The following ARHGAP24 variants were observed in gnomAD, a reference collection of about 807,000 sequenced individuals.
ARHGAP24 encodes the protein Rho GTPase activating protein 24, also known as rho GTPase-activating protein 24.
In ARHGAP24, 50 loss-of-function variants were observed where a neutral mutation model predicts 76.4. The ratio of observed to expected loss-of-function variants is 0.65; its 90% confidence interval spans 0.52 to 0.83. ARHGAP24 has a LOEUF of 0.83. ARHGAP24 is among the 40% of genes least tolerant of loss of function. The pLI, the probability that ARHGAP24 is intolerant of heterozygous loss-of-function variation, is 0.00. For synonymous variants in ARHGAP24, 345 were observed against 323.3 expected (o/e 1.07, Z -0.72); for missense variants, 930 against 914.2 (o/e 1.02, Z -0.22).
At chr4:85,821,423 G>T (rs1057264708) in intron 3 of ARHGAP24, among the ~76,000 whole-genome samples, 3 of 152,070 alleles carry the variant, frequency 2.0e-5, no homozygotes, top group Non-Finnish European at 4.4e-5. Context: ...TCCCAGGCTG[G>T]GGTGCAGTGG....
intron 3 of ARHGAP24, among the ~76,000 whole-genome samples, chr4:85,917,204 T>C (rs1305255658): frequency 6.6e-6 from 1 of 152,084 alleles, no homozygotes; most frequent in Non-Finnish European, 1.5e-5. Flanking sequence ...AGAATGATGA[T>C]TTCCAATTTC....
chr4:85,616,187 T>C (rs1248474931), intron 2 of ARHGAP24, among the ~76,000 whole-genome samples: 1 of 152,218 alleles, frequency 6.6e-6, no homozygotes, highest in Non-Finnish European at 1.5e-5. Flanking sequence ...GGCATGAAAC[T>C]ATATTAATCC....
chr4:85,965,026 A>G (rs528840307), intron 5 of ARHGAP24, among the ~76,000 whole-genome samples: 5 of 152,230 alleles, frequency 3.3e-5, no homozygotes, highest in African/African-American at 1.2e-4. Context: ...TAGAGGGAGG[A>G]AAGAAAAGAT....
rs1434955730 is a variant in ARHGAP24 at position 85,826,367 on chromosome 4, T to C, written c.269-97281T>C. Among the ~76,000 whole-genome samples, 3 of 152,144 alleles carry C rather than the reference T, an allele frequency of 2.0e-5. No individual in the cohort carries two copies. The East Asian group carries it at 5.8e-4, about 29-fold the overall frequency. On this transcript the variant is annotated intron_variant, in intron 3 of 9. Transcript: ENST00000395184. ...TGTAACCAACCATGCACGTGAGCAT[T>C]TTCTCCCAGAATTTTGACTAGTCTT...
intron 8 of ARHGAP24, among the ~76,000 whole-genome samples, chr4:85,982,554 C>T (rs935230112): frequency 1.3e-5 from 2 of 152,144 alleles, no homozygotes; most frequent in Non-Finnish European, 2.9e-5. Flanking sequence ...AGCAACCAAA[C>T]TTTCAGGAGA....
At chr4:85,778,923 C>T in intron 3 of ARHGAP24, 1 of 985,400 alleles carries the variant, frequency 1.0e-6, no homozygotes, top group Non-Finnish European at 1.2e-6. Context: ...CAAGAGTCGG[C>T]ACTGGGAACA....
chr4:85,873,475 G>T (rs945227485), intron 3 of ARHGAP24, among the ~76,000 whole-genome samples: 5 of 152,018 alleles, frequency 3.3e-5, no homozygotes, highest in Non-Finnish European at 7.4e-5. Context: ...CAGGGCTTTC[G>T]TGCAGTGCAG....
chr4:85,874,838 A>G (rs1164951419), intron 3 of ARHGAP24, among the ~76,000 whole-genome samples: 2 of 12,880 alleles, frequency 1.6e-4, no homozygotes, highest in Non-Finnish European at 3.1e-4. Context: ...TATAAAATAT[A>G]TTTTTATATA....
At chr4:85,724,621 C>T (rs1449164183) in intron 3 of ARHGAP24, among the ~76,000 whole-genome samples, 1 of 151,016 alleles carries the variant, frequency 6.6e-6, no homozygotes, top group African/African-American at 2.4e-5. Context: ...CAAGAATTTT[C>T]AATAAAATTG....
chr4:85,849,911 T>A (rs970433928), intron 3 of ARHGAP24, among the ~76,000 whole-genome samples: 3 of 152,304 alleles, frequency 2.0e-5, no homozygotes, highest in African/African-American at 7.2e-5. Flanking sequence ...AAAATACTCT[T>A]TTTTTCTTGT....
At chr4:85,675,161 A>G (rs1309175719) in intron 2 of ARHGAP24, among the ~76,000 whole-genome samples, 1 of 152,234 alleles carries the variant, frequency 6.6e-6, no homozygotes, top group Non-Finnish European at 1.5e-5. Context: ...GGCTGCATGT[A>G]GCAGAAAGAG....
chr4:85,778,970 T>A (rs1375985649), intron 3 of ARHGAP24: 1 of 985,352 alleles, frequency 1.0e-6, no homozygotes, highest in African/African-American at 1.7e-5. Context: ...TATAAGGTAC[T>A]GTTTTTACTC....
Position 85,506,871 on chromosome 4 carries a change from A to G in ARHGAP24, c.-21+31312A>G, listed in dbSNP as rs547543726. On this transcript the variant is annotated intron_variant, in intron 1 of 9. Transcript: ENST00000395184. ...AGACTGGAGCTGTTCCTATTCGGCT[A>G]TCTTGGAATGGGATCTAAGCCTTTT... Among the ~76,000 whole-genome samples, 9 of 136,534 alleles carry G rather than the reference A, an allele frequency of 6.6e-5. 1 individual carries two copies. In the Admixed American group the frequency reaches 7.2e-4, roughly 11 times the overall value. The allele number at this position is 136,534 out of a possible 152,430, so 89.6% of individuals were successfully genotyped here.
At chr4:85,620,333 A>AT (rs1365960696) in intron 2 of ARHGAP24, among the ~76,000 whole-genome samples, 1 of 151,858 alleles carries the variant, frequency 6.6e-6, no homozygotes, top group Admixed American at 6.6e-5. Flanking sequence ...CTCTTTACTC[A>AT]TTATTGATCT....
rs925700546 is a variant in ARHGAP24 at position 85,941,497 on chromosome 4, G to A, written c.392-569G>A. 4.6e-5 allele frequency among the ~76,000 whole-genome samples: 7 copies of A among 152,228 alleles called. No homozygotes were observed. In the East Asian group the frequency reaches 1.3e-3, roughly 29 times the overall value. ...TTTTTCACTTTCAAATAAGTTAATA[G>A]TTTAAGACAAGCAAACATTGTCTGA... On this transcript the variant is annotated intron_variant, in intron 4 of 9. Coordinates refer to ENST00000395184, the MANE Select transcript of ARHGAP24 (RefSeq NM_001025616.3).
At chr4:85,818,408 A>G (rs376360697) in intron 3 of ARHGAP24, among the ~76,000 whole-genome samples, 1 of 152,368 alleles carries the variant, frequency 6.6e-6, no homozygotes, top group South Asian at 2.1e-4. Context: ...AACATTAAAA[A>G]TAATTATACC....
In ARHGAP24 at chr4:85,929,674, T is replaced by C. The variant is rs565429710; in HGVS notation, c.391+5904T>C. Among the ~76,000 whole-genome samples the C allele has an allele frequency of 4.0e-4, 61 of 152,320 alleles. 1 individual carries two copies. In the South Asian group the frequency reaches 0.012, roughly 29 times the overall value. ...CACATACAAATATGTGTTGATGTGT[T>C]TGCAGCTTTACCCACAGACTCTTTG... On this transcript the variant is annotated intron_variant, in intron 4 of 9. Transcript: ENST00000395184.
At chr4:85,976,627 G>A (rs1332686289) in intron 7 of ARHGAP24, among the ~76,000 whole-genome samples, 4 of 152,132 alleles carry the variant, frequency 2.6e-5, no homozygotes, top group Non-Finnish European at 5.9e-5. Flanking sequence ...AGAGGAGGTA[G>A]GGAATGAAGG....
At chr4:85,723,159 T>A (rs962653633) in intron 3 of ARHGAP24, 10 of 152,324 alleles carry the variant, frequency 6.6e-5, no homozygotes, top group African/African-American at 2.4e-4. Context: ...TGTTACAAAG[T>A]CTTTGAAGTA....
Sources: allele counts gnomAD v4.1 joint callset (sites outside exome capture counted in the v4.1 genomes callset), GRCh38; gene constraint gnomAD v4.1.1; transcripts MANE v1.5; gene names NCBI Gene and HGNC (gene_info 2026-07-23, HGNC 2026-07-21).